The following NMT1 variants were observed in gnomAD, a reference collection of about 807,000 sequenced individuals.
NMT1 encodes N-myristoyltransferase 1.
Under a neutral mutation model 63.4 loss-of-function variants are expected in NMT1, and 12 were observed. That is an observed-to-expected ratio of 0.19 (90% confidence interval 0.12 to 0.31). The LOEUF is 0.31. Ranked by LOEUF, NMT1 falls within the 10% of genes least tolerant of loss-of-function variation. The pLI is 1.00. For missense variants in NMT1, 432 were observed against 634.6 expected (o/e 0.68, Z 3.43); for synonymous variants, 228 against 234.3 (o/e 0.97, Z 0.25).
chr17:45,095,185 C>T (rs2143508259), intron 4 of NMT1, among the ~76,000 whole-genome samples: 1 of 150,650 alleles, frequency 6.6e-6, no homozygotes, highest in East Asian at 2.0e-4. Flanking sequence ...TGGCTCACTG[C>T]AACGTCCACC....
At chr17:45,084,106 A>C (rs754131882) in intron 2 of NMT1, among the ~76,000 whole-genome samples, 1 of 152,226 alleles carries the variant, frequency 6.6e-6, no homozygotes, top group Non-Finnish European at 1.5e-5. Flanking sequence ...CAGAAGCCAT[A>C]AAACAGAAAT....
rs780444510 is a variant in NMT1 at position 45,061,365 on chromosome 17, G to T, written c.36G>T (p.Pro12=). The stretch of plus-strand genomic sequence containing the variant: ...AGAGTGAGACAGCAGTGAAGCCGCC[G>T]GCACCTCCGCTGCCGCAGATGATGG... ...ADESETAVKP[P]APPLPQMMEG... Residue 12 remains proline, a synonymous_variant, in exon 1 of 12, where the codon CCG becomes CCT. Coordinates refer to ENST00000258960, the MANE Select transcript of NMT1 (RefSeq NM_021079.5). 6.8e-6 allele frequency: 11 copies of T among 1,613,940 alleles called. No homozygotes were observed. In the South Asian group the frequency reaches 8.8e-5, roughly 13 times the overall value.
intron 1 of NMT1, among the ~76,000 whole-genome samples, chr17:45,069,000 G>A (rs1028849940): frequency 1.1e-4 from 16 of 149,628 alleles, no homozygotes; most frequent in Admixed American, 6.7e-4. Flanking sequence ...TCACTCTGTC[G>A]CCCAGGCTGG....
chr17:45,068,582 C>T (rs2053917981), intron 1 of NMT1, among the ~76,000 whole-genome samples: 1 of 152,192 alleles, frequency 6.6e-6, no homozygotes, highest in African/African-American at 2.4e-5. Flanking sequence ...ACGTAGTGGG[C>T]ATTGTGCTAA....
At position 45,108,606 on chromosome 17, in the gene NMT1, G is replaced by A. The variant is rs1449080582; in HGVS notation, c.*2967G>A. On this transcript the variant is annotated 3_prime_UTR_variant, in exon 12 of 12. Transcript: ENST00000258960. ...GCATGGAGCTGCACTCTAGGAGAAG[G>A]AGGGGAACCAGATGTTAGATCAGGG... The A allele has an allele frequency of 6.5e-6, 1 of 152,728 alleles. No individual in the cohort carries two copies. Among genetic ancestry groups the A allele is most frequent in the South Asian group, 2.1e-4 (1 of 4,832 alleles). 9.5% of individuals were successfully genotyped at this position (152,728 alleles called of 1,614,324 possible).
chr17:45,102,842 AGCC>A, intron 8 of NMT1, 106 bp from the exon 9 acceptor site: 2 of 1,005,066 alleles, frequency 2.0e-6, no homozygotes, highest in South Asian at 1.8e-5. Flanking sequence ...GGGTGCAGGG[AGCC>A]GCCGAATGAC....
intron 1 of NMT1, among the ~76,000 whole-genome samples, chr17:45,078,011 C>A (rs41467648): frequency 0.11 from 16,309 of 152,134 alleles, 997 homozygotes; most frequent in Middle Eastern, 0.18. Flanking sequence ...GGTGTACTTG[C>A]ATCTAGACTT....
At chr17:45,095,666 G>C (rs2054120599) in intron 4 of NMT1, among the ~76,000 whole-genome samples, 1 of 152,172 alleles carries the variant, frequency 6.6e-6, no homozygotes, top group Admixed American at 6.5e-5. Flanking sequence ...CAGCTACCCA[G>C]GAGGCTGAAG....
chr17:45,071,974 G>A (rs1327429311), intron 1 of NMT1, among the ~76,000 whole-genome samples: 4 of 152,158 alleles, frequency 2.6e-5, no homozygotes, highest in Non-Finnish European at 5.9e-5. Context: ...AATTAGGGCT[G>A]GACATGGTAG....
At chr17:45,085,172 C>T (rs184685620) in intron 2 of NMT1, among the ~76,000 whole-genome samples, 9 of 152,256 alleles carry the variant, frequency 5.9e-5, no homozygotes, top group African/African-American at 2.2e-4. Context: ...AGAATCCCTT[C>T]AGCCCATGAG....
chr17:45,081,497 C>G (rs752825065), intron 1 of NMT1, 147 bp from the exon 2 acceptor site: 89 of 704,120 alleles, frequency 1.3e-4, no homozygotes, highest in African/African-American at 1.3e-3. Flanking sequence ...CCTCCAAATG[C>G]CCTTTCTGGA....
chr17:45,089,177 T>C (rs1005949496), intron 3 of NMT1, among the ~76,000 whole-genome samples: 9 of 152,230 alleles, frequency 5.9e-5, no homozygotes, highest in African/African-American at 2.2e-4. Context: ...TCAGGGGTGG[T>C]GGTACCTACA....
At chr17:45,068,019 C>A (rs1043864161) in intron 1 of NMT1, among the ~76,000 whole-genome samples, 1 of 152,196 alleles carries the variant, frequency 6.6e-6, no homozygotes, top group Non-Finnish European at 1.5e-5. Flanking sequence ...TTAGTAACTT[C>A]AGGAGGATGC....
At chr17:45,078,541 A>T (rs2053991749) in intron 1 of NMT1, among the ~76,000 whole-genome samples, 1 of 152,088 alleles carries the variant, frequency 6.6e-6, no homozygotes, top group Non-Finnish European at 1.5e-5. Flanking sequence ...ATTCATAATA[A>T]CTCCGAGGCA....
At chr17:45,079,085 T>C (rs116110122) in intron 1 of NMT1, among the ~76,000 whole-genome samples, 6,822 of 151,860 alleles carry the variant, frequency 0.045, 501 homozygotes, top group African/African-American at 0.15. Context: ...CTTTTCTTTT[T>C]TTCTTTTCTT....
chr17:45,079,701 A>AT (rs941445833), intron 1 of NMT1, among the ~76,000 whole-genome samples: 8 of 152,020 alleles, frequency 5.3e-5, no homozygotes, highest in African/African-American at 9.7e-5. Context: ...TTATTTATTT[A>AT]TTTATTTTTA....
chr17:45,105,137 C>T lies in NMT1; in HGVS notation c.1470+141C>T. On this transcript the variant is annotated intron_variant, in intron 11 of 11. Coordinates refer to ENST00000258960, the MANE Select transcript of NMT1 (RefSeq NM_021079.5). This position sits in a 1 kb window ranked among gnomAD's most constrained non-coding sequence, Gnocchi z 4.2. ...TTGAACCTTTGAAAATGCCCTCCCT[C>T]TGCTGGCCAGACCAGCAGGTCAGCG... is the stretch of plus-strand genomic sequence containing the variant. 9.0e-7 allele frequency: 1 copy of T among 1,111,222 alleles called. No homozygotes were observed. The highest frequency in any genetic ancestry group is 1.6e-5 in the African/African-American group (1 of 64,432). 68.8% of individuals were successfully genotyped at this position (1,111,222 alleles called of 1,614,324 possible).
chr17:45,093,893 C>A, intron 4 of NMT1, 90 bp downstream of exon 4: 4 of 1,058,950 alleles, frequency 3.8e-6, no homozygotes, highest in Non-Finnish European at 5.7e-6. Context: ...TTTACTCGAG[C>A]CCTAGAGAGC....
rs397944011 is a variant in NMT1, at chr17:45,065,623, CAAAAAAAAA to C, written c.131+4176_131+4184del. On this transcript the variant is annotated intron_variant, in intron 1 of 11. Coordinates refer to ENST00000258960, the MANE Select transcript of NMT1 (RefSeq NM_021079.5). ...TGGGCGACAGAGCCAGACTCTGTCT[CAAAAAAAAA>C]AAAAAAAAAAAAGAAATACCTACAG... is the stretch of plus-strand genomic sequence containing the variant. Among the ~76,000 whole-genome samples the C allele has an allele frequency of 2.9e-3, 236 of 81,726 alleles. 2 individuals carry two copies. The highest frequency in any genetic ancestry group is 0.011 in the African/African-American group (222 of 20,994). The allele number at this position is 81,726 out of a possible 152,430, so 53.6% of individuals were successfully genotyped here. A position where few individuals can be genotyped will look rare whatever the true frequency, so the allele number is the denominator to read the frequency against.
Sources: gnomAD v4.1 joint callset for allele counts (sites outside exome capture counted in the v4.1 genomes callset) on GRCh38, gnomAD v4.1.1 for gene constraint, Gnocchi (gnomAD v3.1) non-coding constraint, MANE v1.5 for transcripts, NCBI Gene and HGNC (gene_info 2026-07-23, HGNC 2026-07-21) for gene names.